KANK1: variants seen among roughly 807,000 people sequenced by gnomAD.
KANK1 encodes KN motif and ankyrin repeat domain-containing protein 1.
A neutral mutation model predicts 106.2 loss-of-function variants in KANK1; 109 were observed. The observed-to-expected ratio is 1.03, with a 90% CI of 0.88 to 1.20. The LOEUF is 1.20. KANK1 is among the 50% of genes most tolerant of loss of function. The pLI is 0.00. For synonymous variants in KANK1, 873 were observed against 652.2 expected (o/e 1.34, Z -5.16); for missense variants, 2,399 against 1,710.7 (o/e 1.40, Z -7.10).
chr9:591,425 T>C (rs747637037), intron 1 of KANK1, among the ~76,000 whole-genome samples: 3 of 151,842 alleles, frequency 2.0e-5, no homozygotes, highest in Middle Eastern at 3.2e-3. Flanking sequence ...GAGCTCGTCA[T>C]GGCATTCTTG....
intron 1 of KANK1, among the ~76,000 whole-genome samples, chr9:576,091 C>G (rs1820483816): frequency 6.6e-6 from 1 of 152,198 alleles, no homozygotes; most frequent in South Asian, 2.1e-4. Context: ...TCATTCACAT[C>G]ATCTGGGAAC....
intron 1 of KANK1, among the ~76,000 whole-genome samples, chr9:589,759 C>T (rs776981701): frequency 1.3e-5 from 2 of 152,140 alleles, no homozygotes; most frequent in Non-Finnish European, 2.9e-5. Flanking sequence ...GTATTTATTT[C>T]TGGAGAGTAA....
chr9:586,552 G>T (rs1300526169), intron 1 of KANK1, among the ~76,000 whole-genome samples: 1 of 152,152 alleles, frequency 6.6e-6, no homozygotes, highest in Non-Finnish European at 1.5e-5. Context: ...CAGTTCCGAG[G>T]TTTTAGTCCC....
At chr9:697,673 A>G (rs1219254244) in intron 2 of KANK1, among the ~76,000 whole-genome samples, 1 of 152,200 alleles carries the variant, frequency 6.6e-6, no homozygotes, top group Admixed American at 6.5e-5. Flanking sequence ...GTATTCCTAC[A>G]TATTTATTAT....
chr9:478,093 GT>G (rs1416241190), intron 3 of KANK1: 1 of 216,078 alleles, frequency 4.6e-6, no homozygotes, highest in Non-Finnish European at 9.3e-6. Context: ...TGCCTCTGCC[GT>G]GAGCATCAAA....
intron 1 of KANK1, among the ~76,000 whole-genome samples, chr9:630,492 A>C (rs1835425150): frequency 6.6e-6 from 1 of 151,714 alleles, no homozygotes; most frequent in African/African-American, 2.4e-5. Context: ...CGGAGCTTGC[A>C]GTGAGCTGAG....
At chr9:524,478 G>C (rs1410245348) in intron 1 of KANK1, among the ~76,000 whole-genome samples, 2 of 151,602 alleles carry the variant, frequency 1.3e-5, no homozygotes, top group Non-Finnish European at 2.9e-5. Flanking sequence ...GGCCAGGTTG[G>C]CACCATTGTT....
chr9:672,844 T>C (rs1815504995), intron 1 of KANK1, among the ~76,000 whole-genome samples: 1 of 152,176 alleles, frequency 6.6e-6, no homozygotes, highest in South Asian at 2.1e-4. Flanking sequence ...CAAAGACAAA[T>C]TCTTTATTTT....
intron 3 of KANK1, among the ~76,000 whole-genome samples, chr9:493,554 C>CTGT (rs2058411794): frequency 8.6e-6 from 1 of 115,996 alleles, no homozygotes; most frequent in South Asian, 2.9e-4. Flanking sequence ...GGGTAATTTG[C>CTGT]TTTTTTTTTT....
chr9:562,042 C>CTT (rs34419752), intron 1 of KANK1, among the ~76,000 whole-genome samples: 58,241 of 104,968 alleles, frequency 0.55, 19,014 homozygotes, highest in Non-Finnish European at 0.72. Context: ...ATTGCATTTT[C>CTT]TTTTTTTTTT....
chr9:654,204 T>G (rs1841570906), intron 1 of KANK1, among the ~76,000 whole-genome samples: 1 of 152,358 alleles, frequency 6.6e-6, no homozygotes, highest in South Asian at 2.1e-4. Flanking sequence ...TAGCCCGTTG[T>G]GGGGCCCAAG....
At chr9:624,755 C>T (rs1278390625) in intron 1 of KANK1, among the ~76,000 whole-genome samples, 4 of 152,162 alleles carry the variant, frequency 2.6e-5, no homozygotes, top group South Asian at 2.1e-4. Flanking sequence ...GCTAAGATCA[C>T]GCCACTGTAC....
intron 1 of KANK1, among the ~76,000 whole-genome samples, chr9:662,116 C>T (rs1274677952): frequency 6.6e-6 from 1 of 152,068 alleles, no homozygotes; most frequent in Non-Finnish European, 1.5e-5. Context: ...ATCCAACTTA[C>T]AAGGGATGTG....
intron 1 of KANK1, among the ~76,000 whole-genome samples, chr9:563,588 ATG>A (rs528607224): frequency 2.7e-3 from 413 of 152,300 alleles, no homozygotes; most frequent in Non-Finnish European, 5.1e-3. Context: ...GTAGATATGT[ATG>A]TGTGTGTCTA....
At chr9:697,979 G>A (rs956305498) in intron 2 of KANK1, among the ~76,000 whole-genome samples, 9 of 152,122 alleles carry the variant, frequency 5.9e-5, no homozygotes, top group East Asian at 1.9e-4. Flanking sequence ...AGTAACACTC[G>A]GGACCCTAGA....
chr9:724,813 G>C (rs913087946), intron 3 of KANK1, among the ~76,000 whole-genome samples: 1 of 151,870 alleles, frequency 6.6e-6, no homozygotes, highest in South Asian at 2.1e-4. Context: ...AAAAAAACAA[G>C]AGTGTTCTGG....
chr9:612,502 C>G (rs1046312099), intron 1 of KANK1, among the ~76,000 whole-genome samples: 1 of 152,114 alleles, frequency 6.6e-6, no homozygotes, highest in African/African-American at 2.4e-5. Flanking sequence ...GTGTCATCAT[C>G]TTTATGCCTT....
At chr9:623,201 A>T (rs1016326599) in intron 1 of KANK1, among the ~76,000 whole-genome samples, 1 of 152,104 alleles carries the variant, frequency 6.6e-6, no homozygotes, top group Non-Finnish European at 1.5e-5. Flanking sequence ...AAACTCGTAC[A>T]ACTCAATACT....
At chr9:627,330 A>C (rs1834591834) in intron 1 of KANK1, among the ~76,000 whole-genome samples, 1 of 152,062 alleles carries the variant, frequency 6.6e-6, no homozygotes, top group Non-Finnish European at 1.5e-5. Flanking sequence ...TTGGAAATAG[A>C]AGTCCTCATC....
Sources: gnomAD v4.1 joint callset for allele counts (sites outside exome capture counted in the v4.1 genomes callset) on GRCh38, gnomAD v4.1.1 for gene constraint, MANE v1.5 for transcripts, NCBI Gene and HGNC (gene_info 2026-07-23, HGNC 2026-07-21) for gene names.